Variants in CLIP2 observed in about 807,000 individuals in gnomAD.
The protein encoded by CLIP2 is CAP-Gly domain-containing linker protein 2.
CLIP2 carries 41 observed loss-of-function variants against 111.7 expected under a neutral mutation model. That is an observed-to-expected ratio of 0.37 (90% confidence interval 0.29 to 0.48). CLIP2 has a LOEUF of 0.48. CLIP2 is among the 20% of genes least tolerant of loss of function. The pLI, the probability that CLIP2 is intolerant of heterozygous loss-of-function variation, is 0.99. For missense variants in CLIP2, 1,160 were observed against 1,422.1 expected (o/e 0.82, Z 2.96); for synonymous variants, 660 against 644.2 (o/e 1.02, Z -0.37).
chr7:74,393,732 A>G (rs1309625300), intron 13 of CLIP2, among the ~76,000 whole-genome samples: 1 of 152,232 alleles, frequency 6.6e-6, no homozygotes, highest in African/African-American at 2.4e-5. Flanking sequence ...TTCTATACAG[A>G]TTAAGAGTTG....
chr7:74,337,233 G>C (rs1317042167), intron 2 of CLIP2, among the ~76,000 whole-genome samples: 1 of 152,046 alleles, frequency 6.6e-6, no homozygotes, highest in African/African-American at 2.4e-5. Context: ...CCTTAGGCTG[G>C]GCTGCAGCTT....
At chr7:74,356,096 T>A (rs1280868894) in intron 4 of CLIP2, among the ~76,000 whole-genome samples, 1 of 152,232 alleles carries the variant, frequency 6.6e-6, no homozygotes, top group African/African-American at 2.4e-5. Flanking sequence ...TAGATAACTT[T>A]GGGGGATGGA....
At chr7:74,302,942 C>T (rs1554727050) in intron 1 of CLIP2, among the ~76,000 whole-genome samples, 1 of 152,212 alleles carries the variant, frequency 6.6e-6, no homozygotes, top group East Asian at 1.9e-4. Context: ...TCCCTCGTAC[C>T]TCTACTGCTG....
intron 1 of CLIP2, among the ~76,000 whole-genome samples, chr7:74,312,255 A>T (rs1398869298): frequency 6.6e-6 from 1 of 152,116 alleles, no homozygotes; most frequent in Non-Finnish European, 1.5e-5. Flanking sequence ...ATAAATAAAT[A>T]AAATAATGAA....
chr7:74,364,226 G>C, intron 7 of CLIP2, 29 bp from the exon 8 acceptor site: 1 of 1,606,940 alleles, frequency 6.2e-7, no homozygotes, highest in Non-Finnish European at 8.5e-7. Context: ...GGCAAAGCCA[G>C]GTCAGCCACC....
chr7:74,359,095 C>G (rs1249519253), intron 6 of CLIP2, among the ~76,000 whole-genome samples: 13 of 151,852 alleles, frequency 8.6e-5, no homozygotes, highest in Admixed American at 6.6e-5. Flanking sequence ...TCCTTAGTAG[C>G]TGGGACTACA....
In CLIP2 at chr7:74,364,206, C is replaced by T. The variant is rs782178390; in HGVS notation, c.1320-49C>T. 14 of 1,559,080 alleles carry T rather than the reference C, an allele frequency of 9.0e-6. No individual in the cohort carries two copies. The Middle Eastern group carries it at 6.7e-4, about 74-fold the overall frequency. ...CTGCTGTTGCTCATTCGGTGAATCC[C>T]GTTGCTCTGGGCAAAGCCAGGTCAG... On this transcript the variant is annotated intron_variant, in intron 7 of 16. Transcript: ENST00000223398.
intron 1 of CLIP2, among the ~76,000 whole-genome samples, chr7:74,291,988 G>A (rs373737787): frequency 6.6e-6 from 1 of 150,444 alleles, no homozygotes; most frequent in Non-Finnish European, 1.5e-5. Context: ...GCAATGGCGC[G>A]ATCTTGGCTC....
chr7:74,372,822 T>G, intron 8 of CLIP2, 110 bp from the exon 9 acceptor site: 2 of 688,986 alleles, frequency 2.9e-6, no homozygotes, highest in East Asian at 2.8e-5. Context: ...AGATGACGCC[T>G]CCTCTCTCTC....
At chr7:74,372,367 C>T (rs1407325098) in intron 8 of CLIP2, among the ~76,000 whole-genome samples, 2 of 114,056 alleles carry the variant, frequency 1.8e-5, no homozygotes, top group African/African-American at 3.5e-5. Context: ...AAACATCTTG[C>T]GTGTTATGGG....
At chr7:74,363,813 T>G (rs1027857186) in intron 7 of CLIP2, among the ~76,000 whole-genome samples, 1 of 151,360 alleles carries the variant, frequency 6.6e-6, no homozygotes, top group Admixed American at 6.6e-5. Context: ...GGAGAATTGC[T>G]TGAACCGTGG....
At chr7:74,364,962 T>G (rs1432695657) in intron 8 of CLIP2, 1 of 434,242 alleles carries the variant, frequency 2.3e-6, no homozygotes, top group Non-Finnish European at 4.6e-6. Context: ...AGATGGAGGC[T>G]GCAGTGAGCT....
At chr7:74,319,530 G>A (rs535610302) in intron 2 of CLIP2, among the ~76,000 whole-genome samples, 73 of 151,616 alleles carry the variant, frequency 4.8e-4, no homozygotes, top group Non-Finnish European at 8.0e-4. Context: ...AATAAAGAAA[G>A]AAAGAGAAGC....
At chr7:74,401,330 G>GA (rs1554317594) in intron 15 of CLIP2, among the ~76,000 whole-genome samples, 175 bp from the exon 16 acceptor site, 1 of 152,222 alleles carries the variant, frequency 6.6e-6, no homozygotes, top group Non-Finnish European at 1.5e-5. Context: ...GACTAAGAAG[G>GA]AAGATGCAGC....
In CLIP2 at chr7:74,404,270, A is replaced by C. The variant is rs1390275586; in HGVS notation, c.*422A>C. 1 of 212,238 alleles carries C rather than the reference A, an allele frequency of 4.7e-6. No individual in the cohort carries two copies. Among genetic ancestry groups the C allele is most frequent in the Non-Finnish European group, 9.6e-6 (1 of 103,730 alleles). 13.1% of individuals were successfully genotyped at this position (212,238 alleles called of 1,614,324 possible). A position where few individuals can be genotyped will look rare whatever the true frequency, so the allele number is the denominator to read the frequency against. ...GCCGGCGGGGGCTGGGGAGGGGGTA[A>C]GTTTATCCATGCAGACACCAAGGGG... On this transcript the variant is annotated 3_prime_UTR_variant, in exon 17 of 17. Coordinates refer to ENST00000223398, the MANE Select transcript of CLIP2 (RefSeq NM_003388.5).
intron 16 of CLIP2, among the ~76,000 whole-genome samples, chr7:74,403,066 A>G (rs1791663582): frequency 6.6e-6 from 1 of 151,652 alleles, no homozygotes; most frequent in Non-Finnish European, 1.5e-5. Context: ...CAAAAAAAAA[A>G]AAATCATCTG....
At chr7:74,401,943 G>A (rs1554317761) in intron 16 of CLIP2, among the ~76,000 whole-genome samples, 3 of 151,134 alleles carry the variant, frequency 2.0e-5, no homozygotes, top group African/African-American at 4.9e-5. Flanking sequence ...ACAATATAGC[G>A]AGACCCTCTC....
At chr7:74,298,356 GT>G (rs35535113) in intron 1 of CLIP2, among the ~76,000 whole-genome samples, 50,434 of 109,520 alleles carry the variant, frequency 0.46, 11,065 homozygotes, top group Non-Finnish European at 0.59. Context: ...CTGCTAATTG[GT>G]TTTTTTTTTT....
At position 74,397,245 on chromosome 7, in the gene CLIP2, A is replaced by C; in HGVS notation, c.2880+12A>C. On this transcript the variant is annotated intron_variant, in intron 14 of 16. Coordinates refer to ENST00000223398, the MANE Select transcript of CLIP2 (RefSeq NM_003388.5). Reference sequence around the variant, plus strand: ...AGCTGACCGGGCTGGTATGTGGGGTAGGGGTGGCCTAGGGGCAGGGGCACT... The same window carrying C: ...AGCTGACCGGGCTGGTATGTGGGGTCGGGGTGGCCTAGGGGCAGGGGCACT... The C allele has an allele frequency of 6.6e-7, 1 of 1,516,968 alleles. No homozygotes were observed. Among genetic ancestry groups the C allele is most frequent in the Non-Finnish European group, 9.0e-7 (1 of 1,111,950 alleles). 94.0% of individuals were successfully genotyped at this position (1,516,968 alleles called of 1,614,324 possible).
Sources: allele counts gnomAD v4.1 joint callset (sites outside exome capture counted in the v4.1 genomes callset), GRCh38; gene constraint gnomAD v4.1.1; transcripts MANE v1.5; gene names NCBI Gene and HGNC (gene_info 2026-07-23, HGNC 2026-07-21).